The following UVRAG variants were observed in gnomAD, a reference collection of about 807,000 sequenced individuals.
UVRAG encodes UV radiation resistance-associated gene protein.
A neutral mutation model predicts 78.0 loss-of-function variants in UVRAG; 19 were observed. The observed-to-expected ratio is 0.24, with a 90% CI of 0.17 to 0.36. The LOEUF is 0.36. Ranked by LOEUF, UVRAG falls within the 10% of genes least tolerant of loss-of-function variation. The pLI, the probability that UVRAG is intolerant of heterozygous loss-of-function variation, is 1.00. For synonymous variants in UVRAG, 323 were observed against 324.6 expected, an observed-to-expected ratio of 1.00 and a Z score of 0.05; for missense variants, 740 against 853.8, an observed-to-expected ratio of 0.87 and a Z score of 1.66.
intron 1 of UVRAG, among the ~76,000 whole-genome samples, chr11:75,842,483 C>T (rs571096601): frequency 6.7e-6 from 1 of 150,338 alleles, no homozygotes; most frequent in African/African-American, 2.4e-5. Flanking sequence ...ACCCTGTCAC[C>T]CAGGCTGGAG....
At chr11:76,049,330 CT>C (rs1950820273) in intron 12 of UVRAG, among the ~76,000 whole-genome samples, 1 of 152,038 alleles carries the variant, frequency 6.6e-6, no homozygotes, top group Non-Finnish European at 1.5e-5. Flanking sequence ...GTTAATAGGA[CT>C]ATGGAAGTTA....
At chr11:75,994,368 T>C (rs1175741736) in intron 8 of UVRAG, among the ~76,000 whole-genome samples, 1 of 152,202 alleles carries the variant, frequency 6.6e-6, no homozygotes, top group Admixed American at 6.5e-5. Flanking sequence ...TGTGAGGTAC[T>C]GGGAAGTTAA....
Position 76,141,070 on chromosome 11 carries a change from G to C in UVRAG, c.1757G>C (p.Gly586Ala), listed in dbSNP as rs1952713898. The change falls in exon 15 of 15, where the codon GGA (glycine) becomes GCA (alanine). Residue 586 changes from glycine (G) to alanine (A), a missense_variant. Gly to Ala is a moderately conservative substitution (Grantham distance 60). Coordinates refer to ENST00000356136, the MANE Select transcript of UVRAG (RefSeq NM_003369.4). ...AATGTGCACCCTAGCCAAGAACAAG[G>C]AGAAGCCCTCTCCGGGCACCGGGCC... ...HANVHPSQEQ[G>A]EALSGHRATV... 1.2e-6 allele frequency: 2 copies of C among 1,613,524 alleles called. No homozygotes were observed. Among genetic ancestry groups the C allele is most frequent in the Admixed American group, 3.3e-5 (2 of 59,986 alleles).
chr11:76,103,093 A>G (rs1408554487), intron 13 of UVRAG, among the ~76,000 whole-genome samples: 1 of 152,148 alleles, frequency 6.6e-6, no homozygotes, highest in East Asian at 1.9e-4. Context: ...ATGACCCTCC[A>G]TCTTCAGACC....
intron 1 of UVRAG, among the ~76,000 whole-genome samples, chr11:75,830,781 C>G (rs1423321234): frequency 6.6e-6 from 1 of 152,150 alleles, no homozygotes; most frequent in Non-Finnish European, 1.5e-5. Context: ...GTCTCGAATA[C>G]TTTCATTCTA....
Position 75,861,661 on chromosome 11 carries a change from T to C in UVRAG, c.236-85T>C, listed in dbSNP as rs1590944992. 4 of 919,932 alleles carry C rather than the reference T, an allele frequency of 4.3e-6. No homozygotes were observed. The East Asian group carries it at 1.0e-4, about 23-fold the overall frequency. 57.0% of individuals were successfully genotyped at this position (919,932 alleles called of 1,614,324 possible). ...ATTTTAAATGTTTTACTGCAACATA[T>C]GTTAAAAAAATTAGAGGATTAACAG... On this transcript the variant is annotated intron_variant, in intron 2 of 14. Transcript: ENST00000356136.
rs757881525 is a variant in UVRAG, at chr11:75,931,120, T to C, written c.593+19081T>C. 6.7e-4 allele frequency among the ~76,000 whole-genome samples: 102 copies of C among 152,238 alleles called. 1 individual carries two copies. The highest frequency in any genetic ancestry group is 1.2e-3 in the Non-Finnish European group (82 of 68,012). The stretch of plus-strand genomic sequence containing the variant: ...TTCATTTTATGTTTTTTTGGGAGTT[T>C]GTTTCTCTCTTCTTTTCCTTTTTTT... On this transcript the variant is annotated intron_variant, in intron 6 of 14. Coordinates refer to ENST00000356136, the MANE Select transcript of UVRAG (RefSeq NM_003369.4).
intron 4 of UVRAG, among the ~76,000 whole-genome samples, chr11:75,882,155 T>G (rs1391829166): frequency 6.6e-6 from 1 of 152,194 alleles, no homozygotes; most frequent in Non-Finnish European, 1.5e-5. Flanking sequence ...TTCAATATAA[T>G]ACTTTCTGAG....
intron 1 of UVRAG, among the ~76,000 whole-genome samples, chr11:75,827,364 C>A (rs909590760): frequency 2.6e-5 from 4 of 152,202 alleles, no homozygotes; most frequent in Non-Finnish European, 5.9e-5. Context: ...GTAATCCCAG[C>A]ACTGGGAGGC....
intron 14 of UVRAG, among the ~76,000 whole-genome samples, chr11:76,124,448 C>T (rs1370291475): frequency 6.6e-6 from 1 of 152,088 alleles, no homozygotes; most frequent in East Asian, 1.9e-4. Flanking sequence ...GGACTTACAA[C>T]CTGAGGCCCA....
intron 14 of UVRAG, among the ~76,000 whole-genome samples, chr11:76,138,234 A>T (rs1047477574): frequency 6.6e-6 from 1 of 152,250 alleles, no homozygotes; most frequent in Non-Finnish European, 1.5e-5. Context: ...CTTGTGGGAC[A>T]CAATAGATAG....
intron 1 of UVRAG, among the ~76,000 whole-genome samples, chr11:75,844,750 G>A (rs1945998939): frequency 6.6e-6 from 1 of 150,578 alleles, no homozygotes; most frequent in African/African-American, 2.4e-5. Context: ...ATGGCTCACT[G>A]CAGCCTTGGC....
At chr11:76,132,898 C>T (rs373439213) in intron 14 of UVRAG, among the ~76,000 whole-genome samples, 2 of 152,164 alleles carry the variant, frequency 1.3e-5, no homozygotes, top group African/African-American at 4.8e-5. Flanking sequence ...AACTTAAGAT[C>T]CTAGGGACTG....
chr11:75,850,519 A>C (rs540376421), intron 1 of UVRAG, among the ~76,000 whole-genome samples: 29 of 152,296 alleles, frequency 1.9e-4, no homozygotes, highest in African/African-American at 4.3e-4. Context: ...TAGACTGTAG[A>C]GGGCTTTGAA....
chr11:75,995,787 T>C (rs1949695635), intron 8 of UVRAG, among the ~76,000 whole-genome samples: 1 of 152,154 alleles, frequency 6.6e-6, no homozygotes, highest in Admixed American at 6.5e-5. Flanking sequence ...ACTCAAAATA[T>C]ATTTATTTGA....
At chr11:75,964,690 C>T (rs2135214998) in intron 7 of UVRAG, among the ~76,000 whole-genome samples, 1 of 152,288 alleles carries the variant, frequency 6.6e-6, no homozygotes, top group Non-Finnish European at 1.5e-5. Flanking sequence ...ATCACGAGGT[C>T]AGGAGTTCGA....
chr11:75,931,969 T>C (rs938414992), intron 6 of UVRAG, among the ~76,000 whole-genome samples: 1 of 152,208 alleles, frequency 6.6e-6, no homozygotes, highest in African/African-American at 2.4e-5. Flanking sequence ...TAGTGAAATG[T>C]GCTAACACTG....
intron 14 of UVRAG, among the ~76,000 whole-genome samples, chr11:76,119,178 A>C (rs1263112638): frequency 2.2e-4 from 33 of 152,172 alleles, no homozygotes; most frequent in Admixed American, 2.2e-3. Context: ...TATCCTGTTC[A>C]GTGGCACCTG....
In UVRAG at chr11:75,874,277, AAAC is replaced by A. The variant is rs569901299; in HGVS notation, c.271-5594_271-5592del. Among the ~76,000 whole-genome samples the A allele has an allele frequency of 1.2e-3, 180 of 152,214 alleles. 1 individual carries two copies. In the South Asian group the frequency reaches 0.012, roughly 10 times the overall value. ...GTAATTTGGTAGAAAGAGAAAAAAA[AAAC>A]AACAACACACACACACAAAATGAAC... On this transcript the variant is annotated intron_variant, in intron 3 of 14. Coordinates refer to ENST00000356136, the MANE Select transcript of UVRAG (RefSeq NM_003369.4).
Sources: gnomAD v4.1 joint callset for allele counts (sites outside exome capture counted in the v4.1 genomes callset) on GRCh38, gnomAD v4.1.1 for gene constraint, MANE v1.5 for transcripts, NCBI Gene and HGNC (gene_info 2026-07-23, HGNC 2026-07-21) for gene names.